Variants in ZC3H12B observed in about 807,000 individuals in gnomAD.
ZC3H12B encodes zinc finger CCCH-type containing 12B, also known as probable ribonuclease ZC3H12B.
ZC3H12B carries 7 observed loss-of-function variants against 43.9 expected under a neutral mutation model. The observed-to-expected ratio is 0.16, with a 90% CI of 0.09 to 0.30. The LOEUF (loss-of-function observed/expected upper bound fraction) is 0.30. Ranked by LOEUF, ZC3H12B falls within the 10% of genes least tolerant of loss-of-function variation. The pLI, the probability that ZC3H12B is intolerant of heterozygous loss-of-function variation, is 1.00. For missense variants in ZC3H12B, 475 were observed against 670.2 expected (o/e 0.71, Z 3.22); for synonymous variants, 222 against 241.7 (o/e 0.92, Z 0.76).
At chrX:65,460,241 C>T (rs2067717035) in intron 3 of ZC3H12B, among the ~76,000 whole-genome samples, 1 of 111,802 alleles carries the variant, frequency 8.9e-6, no homozygotes, top group Non-Finnish European at 1.9e-5. Context: ...ATTCCATGCT[C>T]ATGGGTAGGA....
the ZC3H12B span, among the ~76,000 whole-genome samples, chrX:65,318,436 C>G: frequency 6.9e-5 from 7 of 100,909 alleles, no homozygotes; most frequent in African/African-American, 2.6e-4. Context: ...TTTTTTGAGA[C>G]AGAGTTTCAC....
In ZC3H12B at chrX:65,388,533, G is replaced by C. The variant is rs377444719; in HGVS notation, n.296-10060G>C. Among the ~76,000 whole-genome samples, 28 of 110,903 alleles carry C rather than the reference G, an allele frequency of 2.5e-4. No homozygotes were observed. In the South Asian group the frequency reaches 9.7e-3, roughly 38 times the overall value. ...TTCTCTGCATTGGTTATTCTAGTTC[G>C]CCATTTGTCTAATTTTTTTTTCAAA... On this transcript the variant is annotated intron_variant and non_coding_transcript_variant, in intron 2 of 5. Coordinates refer to the ZC3H12B transcript ENST00000617377.
At chrX:65,490,956 C>T (rs903324512) in intron 1 of ZC3H12B, among the ~76,000 whole-genome samples, 5 of 110,642 alleles carry the variant, frequency 4.5e-5, no homozygotes, top group South Asian at 3.9e-4. Context: ...AGTCATGAAC[C>T]GTACCATTGC....
At chrX:65,457,384 C>A (rs1163037642) in intron 3 of ZC3H12B, among the ~76,000 whole-genome samples, 1 of 58,651 alleles carries the variant, frequency 1.7e-5, no homozygotes, top group Non-Finnish European at 2.8e-5. Flanking sequence ...CCCGGCCGCC[C>A]CTACTGGGAA....
At chrX:65,194,704 C>A in the ZC3H12B span, among the ~76,000 whole-genome samples, 1 of 111,900 alleles carries the variant, frequency 8.9e-6, no homozygotes, top group African/African-American at 3.2e-5. Context: ...GTCGATAGTG[C>A]AGATTAACTA....
chrX:65,336,738 C>A, the ZC3H12B span, among the ~76,000 whole-genome samples: 1 of 111,906 alleles, frequency 8.9e-6, no homozygotes, highest in Non-Finnish European at 1.9e-5. Context: ...CCACGTATTG[C>A]AGCAACACTG....
the ZC3H12B span, among the ~76,000 whole-genome samples, chrX:65,069,381 ATTCT>A: frequency 5.8e-3 from 625 of 108,233 alleles, 17 homozygotes; most frequent in East Asian, 0.12. Flanking sequence ...AAGCTTACTC[ATTCT>A]TTCTTCTAAT....
At chrX:65,072,654 G>A in the ZC3H12B span, among the ~76,000 whole-genome samples, 13 of 111,949 alleles carry the variant, frequency 1.2e-4, no homozygotes, top group South Asian at 2.6e-3. Flanking sequence ...TGGGGGGCAG[G>A]GCTCACTCTG....
At chrX:65,478,551 A>G (rs1031904574) in intron 3 of ZC3H12B, among the ~76,000 whole-genome samples, 2 of 112,288 alleles carry the variant, frequency 1.8e-5, no homozygotes, top group African/African-American at 6.5e-5. Context: ...AGTCTGTATT[A>G]TTTGTTGTGT....
At chrX:65,252,611 G>T in the ZC3H12B span, among the ~76,000 whole-genome samples, 1 of 111,470 alleles carries the variant, frequency 9.0e-6, no homozygotes, top group African/African-American at 3.3e-5. Context: ...ACTGTTTCTG[G>T]AGTTTGCCCT....
chrX:65,061,306 T>C, the ZC3H12B span, among the ~76,000 whole-genome samples: 5 of 110,045 alleles, frequency 4.5e-5, no homozygotes, highest in Admixed American at 4.8e-4. Flanking sequence ...CCTAATGCTA[T>C]CCCTCCTTTT....
chrX:65,475,978 G>A (rs2067986965), intron 3 of ZC3H12B, among the ~76,000 whole-genome samples: 1 of 111,882 alleles, frequency 8.9e-6, no homozygotes, highest in African/African-American at 3.3e-5. Context: ...TTCTGTAGAG[G>A]AATCCACTGA....
the ZC3H12B span, among the ~76,000 whole-genome samples, chrX:65,170,753 A>G: frequency 3.6e-5 from 4 of 111,153 alleles, no homozygotes; most frequent in South Asian, 1.5e-3. Context: ...CTTTTTCTCT[A>G]AACTTCTCTT....
chrX:65,151,698 T>C, the ZC3H12B span, among the ~76,000 whole-genome samples: 1 of 111,313 alleles, frequency 9.0e-6, no homozygotes, highest in Non-Finnish European at 1.9e-5. Context: ...TTCCAATCAA[T>C]ACAAAAAGAA....
At chrX:65,353,767 G>C in the ZC3H12B span, among the ~76,000 whole-genome samples, 2 of 111,572 alleles carry the variant, frequency 1.8e-5, no homozygotes, top group Non-Finnish European at 1.9e-5. Flanking sequence ...GGACACTCGA[G>C]CTTGGTGTGG....
the ZC3H12B span, among the ~76,000 whole-genome samples, chrX:65,213,236 A>G: frequency 2.7e-5 from 3 of 110,159 alleles, no homozygotes; most frequent in South Asian, 3.8e-4. Flanking sequence ...TACCAAGTCT[A>G]TTGTTTGGCT....
At chrX:65,329,617 C>T in the ZC3H12B span, among the ~76,000 whole-genome samples, 14 of 109,942 alleles carry the variant, frequency 1.3e-4, no homozygotes, top group Admixed American at 6.7e-4. Flanking sequence ...GACATGAAGT[C>T]CTTGCCCATG....
At chrX:65,327,792 T>G in the ZC3H12B span, among the ~76,000 whole-genome samples, 1 of 111,845 alleles carries the variant, frequency 8.9e-6, no homozygotes, top group Non-Finnish European at 1.9e-5. Context: ...CACTAGCAAC[T>G]TTGAAATTTT....
intron 2 of ZC3H12B, among the ~76,000 whole-genome samples, chrX:65,498,367 G>A (rs758943923): frequency 3.6e-5 from 4 of 111,650 alleles, no homozygotes; most frequent in South Asian, 3.8e-4. Context: ...AGAAAGTCCC[G>A]TGAATGGCTG....
Sources: gnomAD v4.1 joint callset for allele counts (sites outside exome capture counted in the v4.1 genomes callset) on GRCh38, gnomAD v4.1.1 for gene constraint, MANE v1.5 for transcripts, NCBI Gene and HGNC (gene_info 2026-07-23, HGNC 2026-07-21) for gene names.